Variants in DLGAP1 observed in about 807,000 individuals in gnomAD.
DLGAP1 encodes disks large-associated protein 1.
In DLGAP1, 11 loss-of-function variants were observed where a neutral mutation model predicts 90.8. That is an observed-to-expected ratio of 0.12 (90% confidence interval 0.08 to 0.20). The LOEUF (loss-of-function observed/expected upper bound fraction) is 0.20, where lower values mean the gene tolerates loss of function less well. Ranked by LOEUF, DLGAP1 falls within the 10% of genes least tolerant of loss-of-function variation. The probability of loss-of-function intolerance (pLI) is 1.00; values close to 1 mark genes in which losing one functional copy is unlikely to be tolerated. For synonymous variants in DLGAP1, 558 were observed against 540.7 expected (o/e 1.03, Z -0.44); for missense variants, 1,050 against 1,333.8 (o/e 0.79, Z 3.31).
At chr18:4,377,581 A>T (rs1000526468) in intron 1 of DLGAP1, among the ~76,000 whole-genome samples, 2 of 152,176 alleles carry the variant, frequency 1.3e-5, no homozygotes, top group Admixed American at 1.3e-4. Flanking sequence ...AAATTAACTT[A>T]ATCTTCAGTC....
intron 1 of DLGAP1, among the ~76,000 whole-genome samples, chr18:4,246,717 A>C (rs2078660123): frequency 1.3e-5 from 2 of 152,230 alleles, no homozygotes; most frequent in Admixed American, 1.3e-4. Context: ...AGGTTCTGTT[A>C]ATTCACCACT....
intron 3 of DLGAP1, among the ~76,000 whole-genome samples, chr18:3,926,552 C>G (rs2072394257): frequency 6.6e-6 from 1 of 151,756 alleles, no homozygotes; most frequent in Admixed American, 6.6e-5. Context: ...ACACATCTCT[C>G]TCTATACATA....
chr18:3,500,141 G>A (rs2049854640), intron 12 of DLGAP1, among the ~76,000 whole-genome samples: 1 of 152,172 alleles, frequency 6.6e-6, no homozygotes, highest in Non-Finnish European at 1.5e-5. Context: ...AATCACAGGG[G>A]CAGAAACTGT....
At chr18:3,833,615 T>G (rs2068191115) in intron 4 of DLGAP1, among the ~76,000 whole-genome samples, 1 of 152,208 alleles carries the variant, frequency 6.6e-6, no homozygotes, top group African/African-American at 2.4e-5. Flanking sequence ...TTATTTTGTT[T>G]GGGAGGCATT....
intron 1 of DLGAP1, among the ~76,000 whole-genome samples, chr18:4,214,102 G>A (rs76689940): frequency 0.024 from 3,661 of 152,108 alleles, 145 homozygotes; most frequent in African/African-American, 0.083. Flanking sequence ...TCATCAAGAC[G>A]GATAAAGGTC....
chr18:4,259,053 T>C (rs1028897917), intron 1 of DLGAP1, among the ~76,000 whole-genome samples: 6 of 152,224 alleles, frequency 3.9e-5, no homozygotes, highest in Non-Finnish European at 7.3e-5. Context: ...TTGAATATAT[T>C]CGTTGTACAT....
intron 7 of DLGAP1, among the ~76,000 whole-genome samples, chr18:3,686,639 C>T (rs912893758): frequency 3.3e-5 from 5 of 151,378 alleles, no homozygotes; most frequent in African/African-American, 1.2e-4. Context: ...GTGAAGAGAT[C>T]TAGCCTAGAT....
At chr18:3,920,064 C>A (rs563408269) in intron 3 of DLGAP1, among the ~76,000 whole-genome samples, 1 of 152,094 alleles carries the variant, frequency 6.6e-6, no homozygotes, top group Non-Finnish European at 1.5e-5. Context: ...TCACTGGGCC[C>A]GGACACAGTG....
At chr18:3,625,024 C>T (rs1374423706) in intron 7 of DLGAP1, among the ~76,000 whole-genome samples, 2 of 152,162 alleles carry the variant, frequency 1.3e-5, no homozygotes, top group Non-Finnish European at 2.9e-5. Flanking sequence ...TCCCTAAACG[C>T]CTGAGTCGTG....
chr18:3,565,402 G>A lies in DLGAP1; in HGVS notation c.2057+2088C>T, dbSNP rs1170283892. Among the ~76,000 whole-genome samples, 2 of 151,848 alleles carry A rather than the reference G, an allele frequency of 1.3e-5. No homozygotes were observed. The highest frequency in any genetic ancestry group is 6.6e-5 in the Admixed American group (1 of 15,232). The stretch of plus-strand genomic sequence containing the variant: ...TTACCTCAGGTGATCCACCTGCCTC[G>A]GCCTCCCAGACTGCTGGGATTACAG... On this transcript the variant is annotated intron_variant, in intron 9 of 12. Transcript: ENST00000315677. The surrounding 1 kb of genome is among the most constrained non-coding windows in gnomAD (Gnocchi z 4.0).
At chr18:3,843,686 T>C (rs1438752925) in intron 4 of DLGAP1, among the ~76,000 whole-genome samples, 1 of 152,098 alleles carries the variant, frequency 6.6e-6, no homozygotes, top group African/African-American at 2.4e-5. Flanking sequence ...TCCAAAACAA[T>C]GCACCACGTT....
intron 1 of DLGAP1, among the ~76,000 whole-genome samples, chr18:4,440,069 G>A (rs1227772327): frequency 7.6e-6 from 1 of 130,958 alleles, no homozygotes; most frequent in Non-Finnish European, 1.5e-5. Flanking sequence ...GCAGTGAGCC[G>A]AGATCACACC....
intron 7 of DLGAP1, among the ~76,000 whole-genome samples, chr18:3,600,875 T>TATATAGATATATATAGATATATATAG (rs2056928636): frequency 3.1e-5 from 1 of 32,712 alleles, no homozygotes. Flanking sequence ...GATATATAGA[T>TATATAGATATATATAGATATATATAG]ATATAGATAG....
intron 7 of DLGAP1, chr18:3,708,304 G>C (rs1038142488): frequency 4.9e-6 from 2 of 407,212 alleles, no homozygotes; most frequent in African/African-American, 2.0e-5. Flanking sequence ...ACTGTGCCCA[G>C]CTGTAATTCC....
intron 4 of DLGAP1, among the ~76,000 whole-genome samples, chr18:3,823,179 G>C (rs750652712): frequency 9.9e-5 from 15 of 152,206 alleles, no homozygotes; most frequent in Non-Finnish European, 1.9e-4. Context: ...TAGCCCAAGA[G>C]TTGGGGTAGG....
intron 5 of DLGAP1, among the ~76,000 whole-genome samples, chr18:3,749,293 C>T (rs1055053829): frequency 2.6e-5 from 4 of 151,836 alleles, no homozygotes; most frequent in East Asian, 1.9e-4. Flanking sequence ...GGATTACAGG[C>T]GGATGCCACC....
intron 10 of DLGAP1, among the ~76,000 whole-genome samples, chr18:3,515,940 G>T (rs2050819227): frequency 1.3e-5 from 2 of 152,030 alleles, no homozygotes; most frequent in South Asian, 2.1e-4. Context: ...TACTTTCTTG[G>T]CTCATCCATA....
chr18:3,908,800 A>C (rs1471087353), intron 3 of DLGAP1, among the ~76,000 whole-genome samples: 1 of 152,222 alleles, frequency 6.6e-6, no homozygotes, highest in Non-Finnish European at 1.5e-5. Context: ...AAACCTACAA[A>C]AATGTGTTTG....
In DLGAP1 at chr18:4,442,188, G is replaced by C. The variant is rs1209551652; in HGVS notation, c.-267+12818C>G. On this transcript the variant is annotated intron_variant, in intron 1 of 12. Coordinates refer to ENST00000315677, the MANE Select transcript of DLGAP1 (RefSeq NM_004746.4). ...TTATTATTATTATTTTTAGTAGAAA[G>C]AGGGTTTCACCATATTGGCCAGGCT... Among the ~76,000 whole-genome samples the C allele has an allele frequency of 4.6e-5, 7 of 152,134 alleles. No homozygotes were observed. In the East Asian group the frequency reaches 1.4e-3, roughly 29 times the overall value.
Sources: gnomAD v4.1 joint callset for allele counts (sites outside exome capture counted in the v4.1 genomes callset) on GRCh38, gnomAD v4.1.1 for gene constraint, Gnocchi (gnomAD v3.1) non-coding constraint, MANE v1.5 for transcripts, NCBI Gene and HGNC (gene_info 2026-07-23, HGNC 2026-07-21) for gene names.